ABAT: variants seen among roughly 807,000 people sequenced by gnomAD.
The protein encoded by ABAT is 4-aminobutyrate aminotransferase, mitochondrial.
ABAT carries 45 observed loss-of-function variants against 64.6 expected under a neutral mutation model. The ratio of observed to expected loss-of-function variants is 0.70; its 90% CI spans 0.55 to 0.89. ABAT has a LOEUF of 0.89. Among genes scored for constraint, ABAT ranks in the 40% least tolerant of loss-of-function variants. The probability of loss-of-function intolerance (pLI) is 0.00; values close to 1 mark genes in which losing one functional copy is unlikely to be tolerated. For missense variants in ABAT, 633 were observed against 658.4 expected (o/e 0.96, Z 0.42); for synonymous variants, 297 against 250.5 (o/e 1.19, Z -1.75).
At chr16:8,700,373 C>T (rs1426499580) in intron 1 of ABAT, among the ~76,000 whole-genome samples, 1 of 152,092 alleles carries the variant, frequency 6.6e-6, no homozygotes, top group Non-Finnish European at 1.5e-5. Flanking sequence ...ATACGCGGCT[C>T]CATGAATTTT....
At chr16:8,685,145 G>T (rs1014065496) in intron 1 of ABAT, among the ~76,000 whole-genome samples, 2 of 151,570 alleles carry the variant, frequency 1.3e-5, no homozygotes, top group Non-Finnish European at 2.9e-5. Context: ...AATTGGTCAA[G>T]CATGGTGGTG....
chr16:8,683,938 C>CTATG (rs982026693), intron 1 of ABAT, among the ~76,000 whole-genome samples: 3 of 143,314 alleles, frequency 2.1e-5, no homozygotes, highest in African/African-American at 7.7e-5. Flanking sequence ...GTGTGCGTGT[C>CTATG]TATGTGTCTG....
chr16:8,757,656 GT>G lies in ABAT; in HGVS notation c.317-99del, dbSNP rs1297925802. On this transcript the variant is annotated intron_variant, in intron 5 of 15. Coordinates refer to ENST00000268251, the MANE Select transcript of ABAT (RefSeq NM_020686.6). ...AAAGACCCTTTGGTTTTTAAAGAGAGTTGGGGGGTTGGAAAGGAAGGGAGAG... is the reference window on the plus strand; with the variant it reads ...AAAGACCCTTTGGTTTTTAAAGAGAGTGGGGGGTTGGAAAGGAAGGGAGAG... The G allele has an allele frequency of 4.0e-5, 52 of 1,299,804 alleles. No individual in the cohort carries two copies. The East Asian group carries it at 1.2e-3, about 30-fold the overall frequency. The allele number at this position is 1,299,804 out of a possible 1,614,324, so 80.5% of individuals were successfully genotyped here.
intron 4 of ABAT, among the ~76,000 whole-genome samples, chr16:8,749,754 C>T (rs900924390): frequency 7.9e-5 from 12 of 151,672 alleles, no homozygotes; most frequent in African/African-American, 2.4e-4. Context: ...CACTCTGTCG[C>T]CCCAGGTTGG....
chr16:8,772,465 G>A (rs892759704), intron 11 of ABAT, among the ~76,000 whole-genome samples: 2 of 152,132 alleles, frequency 1.3e-5, no homozygotes, highest in African/African-American at 4.8e-5. Context: ...TTCTCATTCA[G>A]TCCTCTCCAC....
intron 5 of ABAT, among the ~76,000 whole-genome samples, chr16:8,753,492 A>T (rs1206773664): frequency 6.6e-6 from 1 of 152,160 alleles, no homozygotes; most frequent in Non-Finnish European, 1.5e-5. Flanking sequence ...CCAAGGCAGG[A>T]TTTCCCTGAT....
intron 1 of ABAT, among the ~76,000 whole-genome samples, chr16:8,694,313 G>T (rs1321795853): frequency 6.6e-6 from 1 of 151,544 alleles, no homozygotes; most frequent in African/African-American, 2.4e-5. Context: ...GTGAGCCACC[G>T]CGCCCGGCCC....
intron 1 of ABAT, chr16:8,722,991 C>A: frequency 3.1e-6 from 2 of 655,036 alleles, no homozygotes; most frequent in South Asian, 1.6e-5. Flanking sequence ...GTAATTCCAG[C>A]ACTCTGGGAG....
At chr16:8,700,689 TG>T (rs1567275220) in intron 1 of ABAT, among the ~76,000 whole-genome samples, 1 of 152,150 alleles carries the variant, frequency 6.6e-6, no homozygotes, top group African/African-American at 2.4e-5. Context: ...CTTGAACTCC[TG>T]GGATCAAGCA....
chr16:8,689,915 A>G (rs899714118), intron 1 of ABAT, among the ~76,000 whole-genome samples: 3 of 152,242 alleles, frequency 2.0e-5, no homozygotes, highest in African/African-American at 7.2e-5. Context: ...CAAGGCCTTT[A>G]AACTACATTC....
chr16:8,764,225 A>G lies in ABAT; in HGVS notation c.447+76A>G. 1 of 1,177,652 alleles carries G rather than the reference A, an allele frequency of 8.5e-7. No individual in the cohort carries two copies. 73.0% of individuals were successfully genotyped at this position (1,177,652 alleles called of 1,614,324 possible). On this transcript the variant is annotated intron_variant, in intron 7 of 15. Transcript: ENST00000268251. This position sits in a 1 kb window ranked among gnomAD's most constrained non-coding sequence, Gnocchi z 4.2. ...GGAAGGGAAAAGTGGAGACGCCAAC[A>G]ATGAAGAATAAGGTGTTGCTACAGA... is the stretch of plus-strand genomic sequence containing the variant.
intron 1 of ABAT, among the ~76,000 whole-genome samples, chr16:8,699,967 C>T (rs1428218686): frequency 6.6e-6 from 1 of 150,574 alleles, no homozygotes; most frequent in East Asian, 1.9e-4. Flanking sequence ...GCGTGTGCCA[C>T]CTGGCTAATT....
chr16:8,755,632 C>T (rs1001201249), intron 5 of ABAT, among the ~76,000 whole-genome samples: 6 of 152,124 alleles, frequency 3.9e-5, no homozygotes, highest in African/African-American at 9.7e-5. Flanking sequence ...GACTTCAGGC[C>T]GGGTTCGGTG....
At chr16:8,760,703 A>G (rs945358895) in intron 6 of ABAT, among the ~76,000 whole-genome samples, 9 of 152,226 alleles carry the variant, frequency 5.9e-5, no homozygotes, top group Admixed American at 1.3e-4. Flanking sequence ...AAAATGTGTC[A>G]ACAAACACAT....
chr16:8,744,974 G>A (rs1616856), intron 2 of ABAT, among the ~76,000 whole-genome samples: 79,932 of 151,914 alleles, frequency 0.53, 22,410 homozygotes, highest in Non-Finnish European at 0.61. Context: ...GGACATGTAG[G>A]TTGTTTTCCC....
chr16:8,733,548 C>T (rs1269547284), intron 1 of ABAT, among the ~76,000 whole-genome samples: 1 of 151,930 alleles, frequency 6.6e-6, no homozygotes, highest in Non-Finnish European at 1.5e-5. Context: ...CACCATTGAG[C>T]ACTGAGTGAA....
chr16:8,740,542 C>G (rs535964984), intron 2 of ABAT, among the ~76,000 whole-genome samples: 1 of 152,326 alleles, frequency 6.6e-6, no homozygotes, highest in Admixed American at 6.5e-5. Context: ...CAACTGCTCC[C>G]TCAAAGCAAG....
intron 1 of ABAT, among the ~76,000 whole-genome samples, chr16:8,716,335 G>C (rs575533087): frequency 3.3e-5 from 5 of 152,050 alleles, no homozygotes; most frequent in African/African-American, 1.2e-4. Flanking sequence ...ATATCAGAAG[G>C]TTGTTCTGAT....
At position 8,757,771 on chromosome 16, in the gene ABAT, G is replaced by A. The variant is rs150783272; in HGVS notation, c.331G>A (p.Ala111Thr). The stretch of plus-strand genomic sequence containing the variant: ...CCTGCCCTCAGGTTACAGCCACCCC[G>A]CCCTGCTGAAACTCATCCAACAGCC... The part of the protein sequence containing the change: ...SSVPIGYSHP[A>T]LLKLIQQPQN... The change falls in exon 6 of 16, where the codon GCC (alanine) becomes ACC (threonine). Residue 111 changes from alanine (A) to threonine (T), a missense_variant. Physicochemically the swap from Ala to Thr is moderately conservative, Grantham distance 58. Transcript: ENST00000268251. 1.4e-5 allele frequency: 23 copies of A among 1,613,936 alleles called. No homozygotes were observed. The highest frequency in any genetic ancestry group is 1.6e-4 in the Middle Eastern group (1 of 6,082).
Sources: gnomAD v4.1 joint callset for allele counts (sites outside exome capture counted in the v4.1 genomes callset) on GRCh38, gnomAD v4.1.1 for gene constraint, Gnocchi (gnomAD v3.1) non-coding constraint, MANE v1.5 for transcripts, NCBI Gene and HGNC (gene_info 2026-07-23, HGNC 2026-07-21) for gene names.